SFXN2: variants seen among roughly 807,000 people sequenced by gnomAD.
SFXN2 encodes the protein sideroflexin-2.
In SFXN2, 37 loss-of-function variants were observed where a neutral mutation model predicts 41.9. The ratio of observed to expected loss-of-function variants is 0.88; its 90% confidence interval spans 0.68 to 1.16. The LOEUF (loss-of-function observed/expected upper bound fraction) is 1.16, where lower values mean the gene tolerates loss of function less well. Ranked by LOEUF, SFXN2 falls within the 50% of genes most tolerant of loss-of-function variation. The probability of loss-of-function intolerance (pLI) is 0.00; values close to 1 mark genes in which losing one functional copy is unlikely to be tolerated. For synonymous variants in SFXN2, 150 were observed against 156.7 expected (o/e 0.96, Z 0.32); for missense variants, 386 against 425.2 (o/e 0.91, Z 0.81).
intron 10 of SFXN2, among the ~76,000 whole-genome samples, chr10:102,735,511 A>G (rs1027173550): frequency 1.2e-4 from 18 of 150,652 alleles, no homozygotes; most frequent in African/African-American, 4.4e-4. Context: ...TCCCCCTCCA[A>G]GTTTCTCCTC....
At position 102,740,035 on chromosome 10, in the gene SFXN2, G is replaced by GCAA. The variant is rs1220296784; in HGVS notation, c.*2274_*2275insAAC. 1.3e-5 allele frequency: 2 copies of GCAA among 152,192 alleles called. No homozygotes were observed. Among genetic ancestry groups the GCAA allele is most frequent in the African/African-American group, 4.8e-5 (2 of 41,418 alleles). 9.4% of individuals were successfully genotyped at this position (152,192 alleles called of 1,614,324 possible). A position where few individuals can be genotyped will look rare whatever the true frequency, so the allele number is the denominator to read the frequency against. Reference sequence around the variant, plus strand: ...GCATTTCTAGTCATTGCCCGGTGATGCTGATTCTGTTGGTCTTGGCACCAT... The same window carrying GCAA: ...GCATTTCTAGTCATTGCCCGGTGATGCAACTGATTCTGTTGGTCTTGGCACCAT... On this transcript the variant is annotated 3_prime_UTR_variant, in exon 12 of 12. Coordinates refer to ENST00000369893, the MANE Select transcript of SFXN2 (RefSeq NM_178858.6).
At chr10:102,735,945 C>T (rs1007963035) in intron 11 of SFXN2, 36 bp downstream of exon 11, 2 of 1,603,798 alleles carry the variant, frequency 1.2e-6, no homozygotes, top group Non-Finnish European at 1.7e-6. Flanking sequence ...GTTTAATTGA[C>T]CATGCTGCCA....
rs1374383845 is a variant in SFXN2 at position 102,743,240 on chromosome 10, C to G, written c.*5478C>G. On this transcript the variant is annotated 3_prime_UTR_variant, in exon 12 of 12. Transcript: ENST00000369893. ...GTCAACTTGCAGGGCAGCAGGGAAG[C>G]CATTTGTATTTAGCTAGAAGAACAT... 1 of 152,282 alleles carries G rather than the reference C, an allele frequency of 6.6e-6. No individual in the cohort carries two copies. Among genetic ancestry groups the G allele is most frequent in the East Asian group, 1.9e-4 (1 of 5,202 alleles). The allele number at this position is 152,282 out of a possible 1,614,324, so 9.4% of individuals were successfully genotyped here. A position where few individuals can be genotyped will look rare whatever the true frequency, so the allele number is the denominator to read the frequency against.
At chr10:102,725,658 C>T (rs763407702) in intron 1 of SFXN2, among the ~76,000 whole-genome samples, 1 of 151,878 alleles carries the variant, frequency 6.6e-6, no homozygotes, top group Non-Finnish European at 1.5e-5. Context: ...TTTGGGAGGC[C>T]GAGGCAGAAG....
chr10:102,731,450 G>A (rs1388156233), intron 6 of SFXN2, among the ~76,000 whole-genome samples: 1 of 152,124 alleles, frequency 6.6e-6, no homozygotes, highest in African/African-American at 2.4e-5. Context: ...GGCTTTGGGA[G>A]GGTTAAAGAC....
At chr10:102,717,531 G>C (rs1456011223) in intron 1 of SFXN2, among the ~76,000 whole-genome samples, 1 of 152,146 alleles carries the variant, frequency 6.6e-6, no homozygotes, top group Non-Finnish European at 1.5e-5. Context: ...ACAGAAGTGG[G>C]GCTACCCTGG....
intron 1 of SFXN2, among the ~76,000 whole-genome samples, chr10:102,715,541 CT>C (rs1468451174): frequency 1.3e-5 from 2 of 152,208 alleles, no homozygotes; most frequent in African/African-American, 4.8e-5. Context: ...GTGCTAGGCC[CT>C]GTTCTAGACG....
intron 1 of SFXN2, among the ~76,000 whole-genome samples, chr10:102,718,596 C>T (rs993336912): frequency 1.1e-4 from 16 of 152,308 alleles, no homozygotes; most frequent in East Asian, 3.9e-4. Context: ...TGGAGATTGC[C>T]GCTTCAGAGA....
intron 10 of SFXN2, among the ~76,000 whole-genome samples, chr10:102,735,257 G>T (rs952750472): frequency 1.5e-5 from 2 of 134,366 alleles, no homozygotes; most frequent in African/African-American, 5.8e-5. Context: ...TGTCCAAGTA[G>T]TTCTTCCTAC....
rs1554870816 is a variant in SFXN2 at position 102,739,494 on chromosome 10, A to AGAGATGTAAAAGGGAACAACAG, written c.*1735_*1736insATGTAAAAGGGAACAACAGGAG. 1 of 151,448 alleles carries AGAGATGTAAAAGGGAACAACAG rather than the reference A, an allele frequency of 6.6e-6. No homozygotes were observed. The highest frequency in any genetic ancestry group is 1.5e-5 in the Non-Finnish European group (1 of 67,848). 9.4% of individuals were successfully genotyped at this position (151,448 alleles called of 1,614,324 possible). ...GCTAAGAATGTTTTTACATTTTTAA[A>AGAGATGTAAAAGGGAACAACAG]GAGTTGTAAAAGGGAACAACAGGAA... is the stretch of plus-strand genomic sequence containing the variant. On this transcript the variant is annotated 3_prime_UTR_variant, in exon 12 of 12. Transcript: ENST00000369893.
chr10:102,722,401 G>C (rs2064521436), intron 1 of SFXN2, among the ~76,000 whole-genome samples: 1 of 152,146 alleles, frequency 6.6e-6, no homozygotes, highest in East Asian at 1.9e-4. Flanking sequence ...TGATATTACT[G>C]CTGTCATGGA....
intron 1 of SFXN2, 30 bp downstream of exon 1, chr10:102,714,711 C>T (rs982621704): frequency 4.9e-5 from 9 of 184,558 alleles, no homozygotes; most frequent in Non-Finnish European, 1.0e-4. Context: ...TGGCGCTCGC[C>T]CTGTCTACCT....
intron 1 of SFXN2, among the ~76,000 whole-genome samples, chr10:102,723,549 G>T (rs2064543153): frequency 1.3e-5 from 2 of 152,208 alleles, no homozygotes; most frequent in Admixed American, 1.3e-4. Flanking sequence ...ACTGCGCCTG[G>T]CCCCAACTAG....
chr10:102,736,259 T>A (rs2064776297), intron 11 of SFXN2, among the ~76,000 whole-genome samples: 1 of 152,158 alleles, frequency 6.6e-6, no homozygotes, highest in African/African-American at 2.4e-5. Context: ...TTAACTTTTT[T>A]TTTTTTCTTT....
rs1842782679 is a variant in SFXN2, at chr10:102,741,489, C to T, written c.*3727C>T. On this transcript the variant is annotated 3_prime_UTR_variant, in exon 12 of 12. Transcript: ENST00000369893. ...AGAGGTATAGAAGCTTCCTTTTGAT[C>T]CAAGGTCTTTTCCTCAATCCTGGCT... 1 of 152,210 alleles carries T rather than the reference C, an allele frequency of 6.6e-6. No homozygotes were observed. 9.4% of individuals were successfully genotyped at this position (152,210 alleles called of 1,614,324 possible).
At position 102,732,778 on chromosome 10, in the gene SFXN2, T is replaced by C. The variant is rs537571432; in HGVS notation, c.722-81T>C. ...CTTCTGCTGAAGGAGAGGGAACCAC[T>C]TGGTTCCTGGTCTGACTTCAGAAGG... On this transcript the variant is annotated intron_variant, in intron 8 of 11. Transcript: ENST00000369893. 3.5e-6 allele frequency: 5 copies of C among 1,425,958 alleles called. No homozygotes were observed. In the African/African-American group the frequency reaches 5.6e-5, roughly 16 times the overall value. The allele number at this position is 1,425,958 out of a possible 1,614,324, so 88.3% of individuals were successfully genotyped here. A position where few individuals can be genotyped will look rare whatever the true frequency, so the allele number is the denominator to read the frequency against.
chr10:102,736,084 C>T (rs1459511310), intron 11 of SFXN2, among the ~76,000 whole-genome samples, 175 bp downstream of exon 11: 3 of 152,020 alleles, frequency 2.0e-5, no homozygotes, highest in South Asian at 4.1e-4. Context: ...TTCTGACAAA[C>T]GAAAACAGAT....
intron 7 of SFXN2, 55 bp from the exon 8 acceptor site, chr10:102,732,097 A>G: frequency 6.5e-7 from 1 of 1,528,418 alleles, no homozygotes; most frequent in Non-Finnish European, 9.0e-7. Flanking sequence ...CCCCTGGTGC[A>G]GCACATGTAC....
chr10:102,731,709 C>T lies in SFXN2; in HGVS notation c.594-14C>T, dbSNP rs770363010. 2.5e-6 allele frequency: 4 copies of T among 1,611,864 alleles called. No homozygotes were observed. The East Asian group carries it at 8.9e-5, about 36-fold the overall frequency. ...ACCCCTTTCCCAAGTCCATTAACTCCTGTCTGTGTTTAGGGAGCTCATAAA... is the reference window on the plus strand; with the variant it reads ...ACCCCTTTCCCAAGTCCATTAACTCTTGTCTGTGTTTAGGGAGCTCATAAA... On this transcript the variant is annotated splice_polypyrimidine_tract_variant and intron_variant, in intron 6 of 11. Transcript: ENST00000369893.
Sources: gnomAD v4.1 joint callset for allele counts (sites outside exome capture counted in the v4.1 genomes callset) on GRCh38, gnomAD v4.1.1 for gene constraint, MANE v1.5 for transcripts, NCBI Gene and HGNC (gene_info 2026-07-23, HGNC 2026-07-21) for gene names.